Variants in OPCML observed in about 807,000 individuals in gnomAD.
The protein encoded by OPCML is opioid-binding protein/cell adhesion molecule.
In OPCML, 13 loss-of-function variants were observed where a neutral mutation model predicts 37.8. The ratio of observed to expected loss-of-function variants is 0.34; its 90% CI spans 0.22 to 0.55. The LOEUF (loss-of-function observed/expected upper bound fraction) is 0.55. OPCML is among the 20% of genes least tolerant of loss of function. The pLI is 0.91. For synonymous variants in OPCML, 176 were observed against 168.8 expected (o/e 1.04, Z -0.33); for missense variants, 341 against 435.6 (o/e 0.78, Z 1.93).
intron 1 of OPCML, among the ~76,000 whole-genome samples, chr11:133,039,733 G>A (rs554488820): frequency 5.3e-5 from 8 of 152,200 alleles, no homozygotes; most frequent in East Asian, 3.9e-4. Flanking sequence ...GGCAGACGTC[G>A]TGGACCGAAA....
At chr11:132,608,922 TTTTC>T (rs1203606280) in intron 3 of OPCML, among the ~76,000 whole-genome samples, 8 of 152,028 alleles carry the variant, frequency 5.3e-5, no homozygotes, top group Admixed American at 2.0e-4. Flanking sequence ...TCTGAGATAT[TTTTC>T]TTTCTTTTCA....
chr11:133,279,574 C>G (rs1267229546), intron 1 of OPCML, among the ~76,000 whole-genome samples: 2 of 152,134 alleles, frequency 1.3e-5, no homozygotes, highest in Non-Finnish European at 2.9e-5. Context: ...TGCAGTTGCC[C>G]AGAGCTAAGG....
chr11:132,536,199 T>C (rs889949143), intron 3 of OPCML, among the ~76,000 whole-genome samples: 5 of 152,202 alleles, frequency 3.3e-5, no homozygotes, highest in African/African-American at 9.7e-5. Context: ...ACAAGGTAAC[T>C]GCAAGGGCAG....
chr11:132,981,677 C>T (rs1337041010), intron 1 of OPCML, among the ~76,000 whole-genome samples: 1 of 152,150 alleles, frequency 6.6e-6, no homozygotes, highest in Non-Finnish European at 1.5e-5. Flanking sequence ...CGATGGATGC[C>T]ATCTTGGCTC....
At chr11:133,508,826 A>G (rs568376616) in intron 1 of OPCML, among the ~76,000 whole-genome samples, 11 of 152,304 alleles carry the variant, frequency 7.2e-5, no homozygotes, top group South Asian at 6.2e-4. Flanking sequence ...CGAGTCAAGA[A>G]TGAACACTTG....
intron 2 of OPCML, among the ~76,000 whole-genome samples, chr11:132,836,253 A>G (rs1327022153): frequency 6.6e-6 from 1 of 152,190 alleles, no homozygotes; most frequent in Non-Finnish European, 1.5e-5. Context: ...AAAAATACAC[A>G]AAGAAAAATG....
intron 1 of OPCML, among the ~76,000 whole-genome samples, chr11:133,031,823 C>A (rs985853785): frequency 6.6e-6 from 1 of 152,128 alleles, no homozygotes; most frequent in Admixed American, 6.5e-5. Context: ...AACATTAGAA[C>A]CAAGCTTTCA....
chr11:132,629,302 T>G lies in OPCML; in HGVS notation c.379+27785A>C, dbSNP rs191067642. Among the ~76,000 whole-genome samples the G allele has an allele frequency of 2.0e-5, 3 of 152,348 alleles. No individual in the cohort carries two copies. In the East Asian group the frequency reaches 5.8e-4, roughly 29 times the overall value. On this transcript the variant is annotated intron_variant, in intron 3 of 7. Transcript: ENST00000524381. ...CTAATTAAAGCAAATCCCAGGTGTC[T>G]GATTAAAACAACTTACTGAGTACAG...
At chr11:132,782,917 G>GTGTATATATA (rs376141259) in intron 2 of OPCML, among the ~76,000 whole-genome samples, 143 of 125,060 alleles carry the variant, frequency 1.1e-3, no homozygotes, top group African/African-American at 4.0e-3. Context: ...TATAGTGTGT[G>GTGTATATATA]TATATATATA....
intron 2 of OPCML, among the ~76,000 whole-genome samples, chr11:132,881,132 A>G (rs1474108214): frequency 6.6e-6 from 1 of 152,224 alleles, no homozygotes; most frequent in Non-Finnish European, 1.5e-5. Flanking sequence ...GGGATGAAGC[A>G]CTGGGAAGTA....
intron 4 of OPCML, among the ~76,000 whole-genome samples, chr11:132,466,033 C>T (rs537838742): frequency 2.7e-4 from 41 of 152,266 alleles, no homozygotes; most frequent in African/African-American, 7.0e-4. Flanking sequence ...CACCAATGCA[C>T]ACCTATATAG....
chr11:133,155,726 G>A (rs189521312), intron 1 of OPCML, among the ~76,000 whole-genome samples: 49 of 152,038 alleles, frequency 3.2e-4, no homozygotes, highest in African/African-American at 8.2e-4. Context: ...TGACATCTCC[G>A]CAGATTTAAA....
intron 1 of OPCML, among the ~76,000 whole-genome samples, chr11:133,202,701 T>C (rs1162383433): frequency 1.3e-5 from 2 of 152,214 alleles, no homozygotes; most frequent in South Asian, 2.1e-4. Flanking sequence ...TAGGCCCCAA[T>C]ATTCCTTGTG....
At chr11:133,468,028 A>G (rs902424297) in intron 1 of OPCML, among the ~76,000 whole-genome samples, 6 of 152,246 alleles carry the variant, frequency 3.9e-5, no homozygotes, top group Admixed American at 2.6e-4. Flanking sequence ...ACATCATGTA[A>G]GACTCCTAGT....
intron 3 of OPCML, among the ~76,000 whole-genome samples, chr11:132,653,749 TA>T (rs1197605534): frequency 6.6e-6 from 1 of 152,164 alleles, no homozygotes; most frequent in African/African-American, 2.4e-5. Flanking sequence ...GCAGGAGGGA[TA>T]AAGCTGAGTC....
intron 1 of OPCML, among the ~76,000 whole-genome samples, chr11:133,170,403 G>A (rs559642173): frequency 5.9e-5 from 9 of 152,262 alleles, no homozygotes; most frequent in Admixed American, 1.3e-4. Flanking sequence ...GGAGAATGGC[G>A]TGAACCCAGG....
intron 1 of OPCML, among the ~76,000 whole-genome samples, chr11:133,517,705 C>T (rs1055997318): frequency 1.3e-5 from 2 of 152,224 alleles, no homozygotes; most frequent in Non-Finnish European, 2.9e-5. Context: ...CAGCAGTGAG[C>T]AGCGCCAGGC....
At chr11:132,514,364 G>A (rs2096275333) in intron 4 of OPCML, among the ~76,000 whole-genome samples, 1 of 152,202 alleles carries the variant, frequency 6.6e-6, no homozygotes, top group African/African-American at 2.4e-5. Flanking sequence ...AAAGGCCAGT[G>A]CGACAGAGCT....
intron 2 of OPCML, among the ~76,000 whole-genome samples, chr11:132,904,596 T>C (rs1402853411): frequency 6.6e-6 from 1 of 152,252 alleles, no homozygotes; most frequent in East Asian, 1.9e-4. Flanking sequence ...AAATTGTTGG[T>C]GAACCACCTA....
Sources: gnomAD v4.1 joint callset for allele counts (sites outside exome capture counted in the v4.1 genomes callset) on GRCh38, gnomAD v4.1.1 for gene constraint, MANE v1.5 for transcripts, NCBI Gene and HGNC (gene_info 2026-07-23, HGNC 2026-07-21) for gene names.